OBSL1: variants seen among roughly 807,000 people sequenced by gnomAD.
The protein encoded by OBSL1 is obscurin-like protein 1.
In OBSL1, 160 loss-of-function variants were observed where a neutral mutation model predicts 172.0. The observed-to-expected ratio is 0.93, with a 90% CI of 0.82 to 1.06. The LOEUF (loss-of-function observed/expected upper bound fraction) is 1.06. OBSL1 is among the 50% of genes least tolerant of loss of function. The probability of loss-of-function intolerance (pLI) is 0.00; values close to 1 mark genes in which losing one functional copy is unlikely to be tolerated. For missense variants in OBSL1, 2,681 were observed against 2,715.4 expected (o/e 0.99, Z 0.28); for synonymous variants, 1,200 against 1,196.3 (o/e 1.00, Z -0.06).
chr2:219,552,049 G>T, intron 19 of OBSL1, 63 bp downstream of exon 19: 5 of 1,470,806 alleles, frequency 3.4e-6, no homozygotes, highest in Non-Finnish European at 4.7e-6. Flanking sequence ...CCCCAAGTCC[G>T]TCAGTCCCAT....
intron 8 of OBSL1, chr2:219,561,811 C>T: frequency 1.4e-6 from 1 of 712,714 alleles, no homozygotes. Flanking sequence ...CTGAAGCAGT[C>T]TGGGGAGAGG....
downstream of OBSL1, chr2:219,547,448 G>A: frequency 7.4e-7 from 1 of 1,348,554 alleles, no homozygotes; most frequent in Non-Finnish European, 9.7e-7. Flanking sequence ...CCTTGGACCT[G>A]CTCCCTCCAG....
At position 219,552,543 on chromosome 2, in the gene OBSL1, T is replaced by C; in HGVS notation, c.5301A>G (p.Arg1767=). The change falls in exon 18 of 21, where the codon CGA becomes CGG. Residue 1767 remains arginine (R), a synonymous_variant. Transcript: ENST00000404537. ...PLRPGARVRI[R]QEGKKHILVL... ...GTAACCAGGCGGGCAGACCTTCCTG[T>C]CGGATGCGGACGCGGGCTCCGGGTC... 4 of 1,596,246 alleles carry C rather than the reference T, an allele frequency of 2.5e-6. 1 individual carries two copies. In the South Asian group the frequency reaches 4.4e-5, roughly 18 times the overall value.
At chr2:219,552,023 G>A in intron 19 of OBSL1, 89 bp downstream of exon 19, 1 of 1,308,780 alleles carries the variant, frequency 7.6e-7, no homozygotes, top group Non-Finnish European at 1.1e-6. Flanking sequence ...GAGAGAGGCA[G>A]CGTTCTTGGG....
intron 5 of OBSL1, among the ~76,000 whole-genome samples, chr2:219,566,427 T>G (rs2106090273): frequency 6.6e-6 from 1 of 151,676 alleles, no homozygotes; most frequent in African/African-American, 2.4e-5. Context: ...AAGATTGTGT[T>G]AATGTATGTA....
At chr2:219,551,503 G>T (rs746309291) in intron 20 of OBSL1, 26 bp downstream of exon 20, 1 of 1,550,936 alleles carries the variant, frequency 6.4e-7, no homozygotes, top group South Asian at 1.2e-5. Context: ...TCACCCTCCT[G>T]CCGCTGCCCA....
In OBSL1 at chr2:219,567,546, T is replaced by G; in HGVS notation, c.1564A>C (p.Ile522Leu). The change falls in exon 4 of 21, where the codon ATA becomes CTA. Residue 522 changes from isoleucine to leucine, a missense_variant. Ile to Leu is a conservative substitution (Grantham distance 5). Coordinates refer to ENST00000404537, the MANE Select transcript of OBSL1 (RefSeq NM_015311.3). ...TGGCCCTTGAACATCTCTGCCAATA[T>G]GGGGGGTCCTGGGGGACTGTGCTTG... ...CVKHSPPGPP[I>L]LAEMFKGHKN... 6.2e-7 allele frequency: 1 copy of G among 1,611,908 alleles called. No homozygotes were observed. The highest frequency in any genetic ancestry group is 8.5e-7 in the Non-Finnish European group (1 of 1,178,478).
At chr2:219,564,938 G>A (rs1332845388) in intron 6 of OBSL1, among the ~76,000 whole-genome samples, 3 of 152,110 alleles carry the variant, frequency 2.0e-5, no homozygotes, top group Non-Finnish European at 2.9e-5. Context: ...GTGGTGGCGC[G>A]CACCTGTAGT....
rs770549730 is a variant in OBSL1, at chr2:219,570,249, C to A, written c.984G>T (p.Thr328=). 6.3e-7 allele frequency: 1 copy of A among 1,582,596 alleles called. No individual in the cohort carries two copies. The highest frequency in any genetic ancestry group is 1.7e-4 in the Middle Eastern group (1 of 5,928). ...TCACGTGCAGCTGCACGGCACTGAG[C>A]GTCTGGCCCGCCGAGTTGCGCGCGG... ...VCAARNSAGQ[T]LSAVQLHVKE... Residue 328 remains threonine, a synonymous_variant, in exon 1 of 21, where the codon ACG becomes ACT. Coordinates refer to ENST00000404537, the MANE Select transcript of OBSL1 (RefSeq NM_015311.3).
At chr2:219,562,084 C>T (rs1696521420) in intron 8 of OBSL1, 1 of 705,210 alleles carries the variant, frequency 1.4e-6, no homozygotes, top group African/African-American at 1.8e-5. Context: ...TGGTTAACAG[C>T]TGCCTCCTCA....
intron 12 of OBSL1, 110 bp from the exon 13 acceptor site, chr2:219,556,833 G>T: frequency 8.3e-7 from 1 of 1,203,252 alleles, no homozygotes; most frequent in Non-Finnish European, 1.2e-6. Flanking sequence ...CAGACCTTCT[G>T]TGAGGACCTA....
rs1697324971 is a variant in OBSL1, at chr2:219,571,182, G to A, written c.51C>T (p.Phe17=). The change falls in exon 1 of 21, where the codon TTC becomes TTT. Residue 17 remains phenylalanine, a synonymous_variant. Coordinates refer to ENST00000404537, the MANE Select transcript of OBSL1 (RefSeq NM_015311.3). ...CACTTACCACCCGCACAGGCCGCGG[G>A]AAGCGCAGGAAGCACGGGGGGCTCC... is the stretch of plus-strand genomic sequence containing the variant. ...DQGSPPCFLR[F]PRPVRVVSGA... is the part of the protein sequence containing the mutation. 2 of 1,475,358 alleles carry A rather than the reference G, an allele frequency of 1.4e-6. No individual in the cohort carries two copies. The highest frequency in any genetic ancestry group is 1.8e-6 in the Non-Finnish European group (2 of 1,115,350). The allele number at this position is 1,475,358 out of a possible 1,614,324, so 91.4% of individuals were successfully genotyped here.
At chr2:219,551,985 C>T (rs1243798968) in intron 19 of OBSL1, 127 bp downstream of exon 19, 16 of 1,073,470 alleles carry the variant, frequency 1.5e-5, no homozygotes, top group Admixed American at 4.2e-5. Flanking sequence ...GTGACCCGGC[C>T]CAGGAGAGCC....
At chr2:219,566,378 C>CAAA (rs542803567) in intron 5 of OBSL1, among the ~76,000 whole-genome samples, 1 of 131,548 alleles carries the variant, frequency 7.6e-6, no homozygotes, top group Non-Finnish European at 1.6e-5. Context: ...GACTCTATCT[C>CAAA]AAAAAAAAAA....
In OBSL1 at chr2:219,552,866, A is replaced by C; in HGVS notation, c.5146+2T>G. On this transcript the variant is annotated splice_donor_variant, in intron 17 of 20. Coordinates refer to ENST00000404537, the MANE Select transcript of OBSL1 (RefSeq NM_015311.3). LOFTEE classifies it high-confidence loss of function. ...CCAGCCTCCACATCACCCCGTACCC[A>C]CCGCGCACGGTCAGGCGGACCGGTC... The C allele has an allele frequency of 6.5e-7, 1 of 1,542,784 alleles. No individual in the cohort carries two copies. Among genetic ancestry groups the C allele is most frequent in the African/African-American group, 1.4e-5 (1 of 72,288 alleles).
chr2:219,571,273 CAGGGG>C lies in OBSL1; in HGVS notation c.-46_-42del. 2.3e-6 allele frequency: 2 copies of C among 861,604 alleles called. No individual in the cohort carries two copies. Among genetic ancestry groups the C allele is most frequent in the Non-Finnish European group, 3.0e-6 (2 of 657,188 alleles). 53.4% of individuals were successfully genotyped at this position (861,604 alleles called of 1,614,324 possible). A position where few individuals can be genotyped will look rare whatever the true frequency, so the allele number is the denominator to read the frequency against. On this transcript the variant is annotated 5_prime_UTR_variant, in exon 1 of 21. Transcript: ENST00000404537. ...CCTGCAGCGGCGAACGGTGGGGGGG[CAGGGG>C]GGGGTGCGGAGGGCGAGCCGAGGCC...
Position 219,571,318 on chromosome 2 carries a change from C to G in OBSL1, c.-86G>C. 5.3e-6 allele frequency: 4 copies of G among 759,352 alleles called. No homozygotes were observed. Among genetic ancestry groups the G allele is most frequent in the Non-Finnish European group, 3.6e-6 (2 of 561,454 alleles). The allele number at this position is 759,352 out of a possible 1,614,324, so 47.0% of individuals were successfully genotyped here. The stretch of plus-strand genomic sequence containing the variant: ...GAGCCGAGGCCCGGGGCGGCGGGGT[C>G]GGGGCGCGGCTGGGGACTGGGCGCG... On this transcript the variant is annotated 5_prime_UTR_variant, in exon 1 of 21. Coordinates refer to ENST00000404537, the MANE Select transcript of OBSL1 (RefSeq NM_015311.3).
downstream of OBSL1, chr2:219,550,596 T>C: frequency 1.8e-6 from 1 of 562,542 alleles, no homozygotes; most frequent in Non-Finnish European, 3.2e-6. Context: ...CTGCCAGGAA[T>C]GGTGGTCTTT....
chr2:219,562,263 A>G (rs1021115731), intron 8 of OBSL1, 139 bp downstream of exon 8: 1 of 1,082,098 alleles, frequency 9.2e-7, no homozygotes, highest in Admixed American at 2.2e-5. Flanking sequence ...CCCTGGGCTC[A>G]TCTCAGCAAG....
Sources: gnomAD v4.1 joint callset for allele counts (sites outside exome capture counted in the v4.1 genomes callset) on GRCh38, gnomAD v4.1.1 for gene constraint, MANE v1.5 for transcripts, NCBI Gene and HGNC (gene_info 2026-07-23, HGNC 2026-07-21) for gene names.